The following AURKA variants were observed in gnomAD, a reference collection of about 807,000 sequenced individuals.
AURKA encodes the protein aurora kinase A.
Under a neutral mutation model 40.9 loss-of-function variants are expected in AURKA, and 12 were observed. The observed-to-expected ratio is 0.29, with a 90% CI of 0.19 to 0.48. The LOEUF is 0.48. AURKA is among the 20% of genes least tolerant of loss of function. AURKA has a pLI of 0.99. For missense variants in AURKA, 322 were observed against 462.1 expected (o/e 0.70, Z 2.78); for synonymous variants, 170 against 164.3 (o/e 1.03, Z -0.26).
At position 56,369,688 on chromosome 20, in the gene AURKA, A is replaced by C. The variant is rs908940135; in HGVS notation, c.*470T>G. The C allele has an allele frequency of 5.9e-6, 2 of 338,792 alleles. No individual in the cohort carries two copies. The highest frequency in any genetic ancestry group is 8.7e-5 in the Admixed American group (2 of 23,098). The allele number at this position is 338,792 out of a possible 1,614,324, so 21.0% of individuals were successfully genotyped here. ...AGTCTGTACATATATCTTTATTTTC[A>C]TACTTAAAAAGAATCACATACTCAT... is the stretch of plus-strand genomic sequence containing the variant. On this transcript the variant is annotated 3_prime_UTR_variant, in exon 9 of 9. Coordinates refer to ENST00000395915, the MANE Select transcript of AURKA (RefSeq NM_198437.3).
chr20:56,381,336 CA>C, intron 6 of AURKA, 96 bp downstream of exon 6: 1 of 1,493,654 alleles, frequency 6.7e-7, no homozygotes, highest in Non-Finnish European at 9.3e-7. Context: ...ATCCTTACGT[CA>C]AGACAAAACC....
At chr20:56,379,938 G>C (rs1985464239) in intron 6 of AURKA, among the ~76,000 whole-genome samples, 1 of 150,920 alleles carries the variant, frequency 6.6e-6, no homozygotes, top group Non-Finnish European at 1.5e-5. Context: ...ACTCCAGCCT[G>C]GGCGACAGAG....
intron 6 of AURKA, among the ~76,000 whole-genome samples, chr20:56,380,384 A>G (rs1454368267): frequency 2.0e-5 from 3 of 151,936 alleles, no homozygotes; most frequent in Non-Finnish European, 4.4e-5. Flanking sequence ...AAGAAAGAAA[A>G]AAAGTTCCCA....
At chr20:56,384,556 A>ATG (rs1986126678) in intron 3 of AURKA, among the ~76,000 whole-genome samples, 1 of 152,164 alleles carries the variant, frequency 6.6e-6, no homozygotes, top group South Asian at 2.1e-4. Context: ...ACGTATATAT[A>ATG]GACAGGCCCT....
At chr20:56,372,403 C>T (rs886899185) in intron 7 of AURKA, among the ~76,000 whole-genome samples, 1 of 152,086 alleles carries the variant, frequency 6.6e-6, no homozygotes, top group Non-Finnish European at 1.5e-5. Context: ...TTTCAAAAAG[C>T]AAGAAGCCAT....
rs187966577 is a variant in AURKA, at chr20:56,374,996, C to T, written c.706-1440G>A. On this transcript the variant is annotated intron_variant, in intron 6 of 8. Coordinates refer to ENST00000395915, the MANE Select transcript of AURKA (RefSeq NM_198437.3). ...CCAGGAGGTAGAGGTTGCAGTGAGC[C>T]GAGATCATGCCATTGCACTCCAGCC... Among the ~76,000 whole-genome samples the T allele has an allele frequency of 4.3e-3, 658 of 152,098 alleles. 5 individuals carry two copies. Among genetic ancestry groups the T allele is most frequent in the African/African-American group, 0.015 (608 of 41,480 alleles).
intron 4 of AURKA, among the ~76,000 whole-genome samples, chr20:56,383,665 C>T (rs890742010): frequency 6.6e-6 from 1 of 152,180 alleles, no homozygotes; most frequent in African/African-American, 2.4e-5. Flanking sequence ...GGATGGAGCC[C>T]ACAGGCTAGC....
At chr20:56,383,884 C>T (rs968735791) in intron 4 of AURKA, among the ~76,000 whole-genome samples, 1 of 152,156 alleles carries the variant, frequency 6.6e-6, no homozygotes, top group Non-Finnish European at 1.5e-5. Flanking sequence ...CTGTCAAAAC[C>T]CTCAGTCATA....
chr20:56,380,867 T>C (rs1353550311), intron 6 of AURKA, among the ~76,000 whole-genome samples: 1 of 152,234 alleles, frequency 6.6e-6, no homozygotes, highest in African/African-American at 2.4e-5. Context: ...TATATCAATA[T>C]TGGTTCATTG....
intron 6 of AURKA, among the ~76,000 whole-genome samples, chr20:56,379,920 G>A (rs926628622): frequency 2.0e-5 from 3 of 149,352 alleles, no homozygotes; most frequent in Non-Finnish European, 3.0e-5. Flanking sequence ...CCAAGATTAT[G>A]CCACTGCACT....
At chr20:56,371,222 G>A (rs1331937331) in intron 7 of AURKA, among the ~76,000 whole-genome samples, 1 of 152,106 alleles carries the variant, frequency 6.6e-6, no homozygotes, top group South Asian at 2.1e-4. Context: ...CAGCACTTTG[G>A]GAGGCCGAGG....
chr20:56,387,123 T>C (rs1444750125), intron 2 of AURKA, among the ~76,000 whole-genome samples: 1 of 152,168 alleles, frequency 6.6e-6, no homozygotes, highest in Non-Finnish European at 1.5e-5. Flanking sequence ...GAAACAAATG[T>C]AGACACTTCA....
rs190015589 is a variant in AURKA, at chr20:56,372,340, T to C, written c.854+1068A>G. ...TGAGGCAATAACCAGGAAATGATGA[T>C]GATTAACATCTGGGATTTGGAGTGA... is the stretch of plus-strand genomic sequence containing the variant. On this transcript the variant is annotated intron_variant, in intron 7 of 8. Transcript: ENST00000395915. Among the ~76,000 whole-genome samples the C allele has an allele frequency of 1.2e-4, 18 of 152,336 alleles. No individual in the cohort carries two copies. The East Asian group carries it at 3.5e-3, about 29-fold the overall frequency.
chr20:56,374,050 C>CAT (rs776595023), intron 6 of AURKA, among the ~76,000 whole-genome samples: 1 of 149,052 alleles, frequency 6.7e-6, no homozygotes, highest in African/African-American at 2.5e-5. Flanking sequence ...CACACACACA[C>CAT]ATCAACTGAA....
intron 3 of AURKA, 47 bp from the exon 4 acceptor site, chr20:56,384,371 A>G (rs1173426523): frequency 5.6e-6 from 8 of 1,416,706 alleles, no homozygotes; most frequent in Non-Finnish European, 8.0e-6. Context: ...ACTATATAGG[A>G]TAAGCTAAGC....
At chr20:56,370,776 C>T (rs759306715) in intron 7 of AURKA, 117 bp from the exon 8 acceptor site, 104 of 1,095,638 alleles carry the variant, frequency 9.5e-5, no homozygotes, top group Non-Finnish European at 1.3e-4. Flanking sequence ...AGATCCTGTG[C>T]CCTAGGAAGT....
In AURKA at chr20:56,370,052, G is replaced by A. The variant is rs566735992; in HGVS notation, c.*106C>T. The A allele has an allele frequency of 3.4e-5, 47 of 1,378,122 alleles. No individual in the cohort carries two copies. Among genetic ancestry groups the A allele is most frequent in the Admixed American group, 2.3e-4 (14 of 59,684 alleles). 85.4% of individuals were successfully genotyped at this position (1,378,122 alleles called of 1,614,324 possible). ...GTAAAACAAATATTTCTTGTGTAGC[G>A]TTCTAGATTGAGGGCAGCAGTCAAT... On this transcript the variant is annotated 3_prime_UTR_variant, in exon 9 of 9. Coordinates refer to ENST00000395915, the MANE Select transcript of AURKA (RefSeq NM_198437.3).
At position 56,373,639 on chromosome 20, in the gene AURKA, A is replaced by T; in HGVS notation, c.706-83T>A. 6.6e-7 allele frequency: 1 copy of T among 1,515,188 alleles called. No homozygotes were observed. 93.9% of individuals were successfully genotyped at this position (1,515,188 alleles called of 1,614,324 possible). ...TAGACATCTCTTCCGAAAGGAACACAACATAGATTTAACATGGTTTGCAGG... is the reference window on the plus strand; with the variant it reads ...TAGACATCTCTTCCGAAAGGAACACTACATAGATTTAACATGGTTTGCAGG... On this transcript the variant is annotated intron_variant, in intron 6 of 8. Coordinates refer to ENST00000395915, the MANE Select transcript of AURKA (RefSeq NM_198437.3). This position sits in a 1 kb window ranked among gnomAD's most constrained non-coding sequence, Gnocchi z 5.0.
At position 56,386,469 on chromosome 20, in the gene AURKA, G is replaced by A. The variant is rs763948949; in HGVS notation, c.107C>T (p.Pro36Leu). ...LVTQQFPCQN[P>L]LPVNSGQAQR... Reference sequence around the variant, plus strand: ...AGCCTGGCCACTATTTACAGGTAATGGATTCTGACAAGGAAATTGCTGAGT... The same window carrying A: ...AGCCTGGCCACTATTTACAGGTAATAGATTCTGACAAGGAAATTGCTGAGT... The change falls in exon 3 of 9, where the codon CCA becomes CTA. Residue 36 changes from proline to leucine, a missense_variant. Transcript: ENST00000395915. The A allele has an allele frequency of 1.9e-6, 3 of 1,614,204 alleles. No homozygotes were observed. The highest frequency in any genetic ancestry group is 1.3e-5 in the African/African-American group (1 of 75,042).
Sources: gnomAD v4.1 joint callset for allele counts (sites outside exome capture counted in the v4.1 genomes callset) on GRCh38, gnomAD v4.1.1 for gene constraint, Gnocchi (gnomAD v3.1) non-coding constraint, MANE v1.5 for transcripts, NCBI Gene and HGNC (gene_info 2026-07-23, HGNC 2026-07-21) for gene names.